Variants in CLTC observed in about 807,000 individuals in gnomAD.
The protein encoded by CLTC is clathrin heavy chain, also known as clathrin heavy chain 1.
Under a neutral mutation model 195.8 loss-of-function variants are expected in CLTC, and 16 were observed. The observed-to-expected ratio is 0.08, with a 90% CI of 0.06 to 0.12. The LOEUF (loss-of-function observed/expected upper bound fraction) is 0.12, where lower values mean the gene tolerates loss of function less well. CLTC is among the 10% of genes least tolerant of loss of function. The probability of loss-of-function intolerance (pLI) is 1.00; values close to 1 mark genes in which losing one functional copy is unlikely to be tolerated. For synonymous variants in CLTC, 667 were observed against 689.4 expected, an observed-to-expected ratio of 0.97 and a Z score of 0.51; for missense variants, 796 against 2,027.0, an observed-to-expected ratio of 0.39 and a Z score of 11.66.
chr17:59,681,927 T>C lies in CLTC; in HGVS notation c.3442+88T>C, dbSNP rs2033090186. ...CTGTCTATTCTGAATTTTAGAAGAGTTGGATACTGCATGGTTTCTTTTAGT... is the reference window on the plus strand; with the variant it reads ...CTGTCTATTCTGAATTTTAGAAGAGCTGGATACTGCATGGTTTCTTTTAGT... On this transcript the variant is annotated intron_variant, in intron 21 of 31. Coordinates refer to ENST00000269122, the MANE Select transcript of CLTC (RefSeq NM_004859.4). The surrounding 1 kb of genome is among the most constrained non-coding windows in gnomAD (Gnocchi z 5.0). The C allele has an allele frequency of 1.7e-6, 2 of 1,185,094 alleles. No homozygotes were observed. The highest frequency in any genetic ancestry group is 2.5e-4 in the Middle Eastern group (1 of 4,046). The allele number at this position is 1,185,094 out of a possible 1,614,324, so 73.4% of individuals were successfully genotyped here. A position where few individuals can be genotyped will look rare whatever the true frequency, so the allele number is the denominator to read the frequency against.
intron 9 of CLTC, 42 bp from the exon 10 acceptor site, chr17:59,664,745 T>A: frequency 6.3e-7 from 1 of 1,590,404 alleles, no homozygotes; most frequent in Non-Finnish European, 8.6e-7. Context: ...TGCTATAAAA[T>A]TGAAACTTAG....
At chr17:59,620,826 A>C (rs913957613) in intron 1 of CLTC, among the ~76,000 whole-genome samples, 1 of 152,068 alleles carries the variant, frequency 6.6e-6, no homozygotes, top group African/African-American at 2.4e-5. Flanking sequence ...TCTTAGAGCT[A>C]TGTCAATCTC....
chr17:59,679,110 G>T (rs1203509713), intron 17 of CLTC, among the ~76,000 whole-genome samples: 1 of 152,154 alleles, frequency 6.6e-6, no homozygotes, highest in Non-Finnish European at 1.5e-5. Context: ...GCTCATTTAT[G>T]TACATACATG....
At chr17:59,644,713 G>A (rs2032143475) in intron 2 of CLTC, among the ~76,000 whole-genome samples, 2 of 151,964 alleles carry the variant, frequency 1.3e-5, no homozygotes, top group South Asian at 4.1e-4. Context: ...ACCACAACCA[G>A]CTAGTTTTTT....
intron 30 of CLTC, among the ~76,000 whole-genome samples, chr17:59,686,320 G>T (rs540848329): frequency 6.8e-6 from 1 of 148,038 alleles, no homozygotes; most frequent in South Asian, 2.5e-4. Context: ...CAAGCTGGGG[G>T]TCTAATTGCC....
At chr17:59,650,162 A>T (rs939781589) in intron 4 of CLTC, among the ~76,000 whole-genome samples, 5 of 152,206 alleles carry the variant, frequency 3.3e-5, no homozygotes, top group Non-Finnish European at 7.3e-5. Context: ...GAAAATATAT[A>T]GTACTTTTTC....
chr17:59,649,806 G>C (rs1282240311), intron 4 of CLTC, among the ~76,000 whole-genome samples: 2 of 152,110 alleles, frequency 1.3e-5, no homozygotes, highest in South Asian at 4.1e-4. Context: ...AGAAAGCACT[G>C]ATATTTAGAT....
chr17:59,664,716 A>G (rs1015227908), intron 9 of CLTC, 71 bp from the exon 10 acceptor site: 10 of 1,516,066 alleles, frequency 6.6e-6, no homozygotes, highest in African/African-American at 1.4e-5. Flanking sequence ...GAGATTTTAT[A>G]GTAGAAAAAG....
intron 30 of CLTC, among the ~76,000 whole-genome samples, chr17:59,686,516 T>C (rs1311455157): frequency 6.6e-6 from 1 of 151,958 alleles, no homozygotes; most frequent in Admixed American, 6.6e-5. Context: ...CCTGCCTGAG[T>C]TGGGGGGATG....
chr17:59,693,937 G>C lies in CLTC; in HGVS notation c.*85G>C. ...TCTCAGTTTATAATGGGGGAAAACAGGCAACGTGTTCTTGTAACCTTTATT... is the reference window on the plus strand; with the variant it reads ...TCTCAGTTTATAATGGGGGAAAACACGCAACGTGTTCTTGTAACCTTTATT... On this transcript the variant is annotated 3_prime_UTR_variant, in exon 32 of 32. Coordinates refer to ENST00000269122, the MANE Select transcript of CLTC (RefSeq NM_004859.4). The C allele has an allele frequency of 7.3e-7, 1 of 1,367,692 alleles. No individual in the cohort carries two copies. The highest frequency in any genetic ancestry group is 2.6e-5 in the Admixed American group (1 of 38,188). 84.7% of individuals were successfully genotyped at this position (1,367,692 alleles called of 1,614,324 possible). A position where few individuals can be genotyped will look rare whatever the true frequency, so the allele number is the denominator to read the frequency against.
Position 59,685,844 on chromosome 17 carries a change from C to A in CLTC, c.4827+36C>A. The A allele has an allele frequency of 6.9e-7, 1 of 1,445,410 alleles. No individual in the cohort carries two copies. The highest frequency in any genetic ancestry group is 1.4e-5 in the African/African-American group (1 of 69,526). 89.5% of individuals were successfully genotyped at this position (1,445,410 alleles called of 1,614,324 possible). A position where few individuals can be genotyped will look rare whatever the true frequency, so the allele number is the denominator to read the frequency against. ...TTCTAAGTGTATTCAGAACTAGTTT[C>A]CTTGCATGTAAAATTCTACATGCAC... On this transcript the variant is annotated intron_variant, in intron 30 of 31. Coordinates refer to ENST00000269122, the MANE Select transcript of CLTC (RefSeq NM_004859.4). This position sits in a 1 kb window ranked among gnomAD's most constrained non-coding sequence, Gnocchi z 5.0.
chr17:59,650,750 A>G (rs1025198196), intron 4 of CLTC, among the ~76,000 whole-genome samples: 1 of 152,182 alleles, frequency 6.6e-6, no homozygotes, highest in Non-Finnish European at 1.5e-5. Context: ...CAGCTGTAGT[A>G]CAGTAGAAAA....
chr17:59,635,290 A>G (rs1189506439), intron 1 of CLTC, among the ~76,000 whole-genome samples: 1 of 152,254 alleles, frequency 6.6e-6, no homozygotes, highest in Non-Finnish European at 1.5e-5. Context: ...GTCCTTAGTA[A>G]TGCTGTCATA....
In CLTC at chr17:59,666,669, A is replaced by T. The variant is rs1317756934; in HGVS notation, c.1947+25A>T. On this transcript the variant is annotated intron_variant, in intron 12 of 31. Transcript: ENST00000269122. This position sits in a 1 kb window ranked among gnomAD's most constrained non-coding sequence, Gnocchi z 4.9. The stretch of plus-strand genomic sequence containing the variant: ...GGTATTTCAGTTTCTTACCTAATAG[A>T]TGGTGTTAGTTGTGATTAATAGGTA... The T allele has an allele frequency of 7.5e-6, 12 of 1,600,274 alleles. No individual in the cohort carries two copies. The Admixed American group carries it at 1.9e-4, about 25-fold the overall frequency.
chr17:59,640,814 T>C (rs1427475428), intron 1 of CLTC, among the ~76,000 whole-genome samples: 1 of 152,046 alleles, frequency 6.6e-6, no homozygotes, highest in Non-Finnish European at 1.5e-5. Flanking sequence ...TGTTTAAACA[T>C]GTGCCATTAT....
At chr17:59,680,393 T>C (rs1032666792) in intron 18 of CLTC, among the ~76,000 whole-genome samples, 2 of 152,214 alleles carry the variant, frequency 1.3e-5, no homozygotes, top group African/African-American at 4.8e-5. Flanking sequence ...TCTTAAATTC[T>C]CCTGAGATAA....
chr17:59,677,256 G>A, intron 17 of CLTC, 68 bp downstream of exon 17: 1 of 1,154,930 alleles, frequency 8.7e-7, no homozygotes, highest in Non-Finnish European at 1.3e-6. Flanking sequence ...AGAGTTTCAG[G>A]GTAATTTTAG....
chr17:59,664,640 C>A, intron 9 of CLTC, 147 bp from the exon 10 acceptor site: 1 of 648,242 alleles, frequency 1.5e-6, no homozygotes, highest in Non-Finnish European at 2.4e-6. Flanking sequence ...ATGTCATCAC[C>A]AAGGTCTAAC....
chr17:59,684,032 AT>A lies in CLTC; in HGVS notation c.4434+48del, dbSNP rs746986366. ...ACATAATCTCAAGACTCATAAAGTT[AT>A]GTTTTCCCATTTTTTAAAAAAGCCA... is the stretch of plus-strand genomic sequence containing the variant. On this transcript the variant is annotated intron_variant, in intron 28 of 31. Coordinates refer to ENST00000269122, the MANE Select transcript of CLTC (RefSeq NM_004859.4). 4.9e-6 allele frequency: 6 copies of A among 1,214,688 alleles called. No individual in the cohort carries two copies. The South Asian group carries it at 7.8e-5, about 16-fold the overall frequency. The allele number at this position is 1,214,688 out of a possible 1,614,324, so 75.2% of individuals were successfully genotyped here.
Sources: allele counts gnomAD v4.1 joint callset (sites outside exome capture counted in the v4.1 genomes callset), GRCh38; gene constraint gnomAD v4.1.1; non-coding constraint Gnocchi (gnomAD v3.1); transcripts MANE v1.5; gene names NCBI Gene and HGNC (gene_info 2026-07-23, HGNC 2026-07-21).